SORT1: variants seen among roughly 807,000 people sequenced by gnomAD.
The protein encoded by SORT1 is sortilin.
A neutral mutation model predicts 101.7 loss-of-function variants in SORT1; 39 were observed. The ratio of observed to expected loss-of-function variants is 0.38; its 90% CI spans 0.30 to 0.50. The LOEUF is 0.50. SORT1 is among the 20% of genes least tolerant of loss of function. The pLI is 0.90. For synonymous variants in SORT1, 396 were observed against 393.7 expected (o/e 1.01, Z -0.07); for missense variants, 878 against 1,040.4 (o/e 0.84, Z 2.15).
chr1:109,317,755 T>C, intron 16 of SORT1, 98 bp downstream of exon 16: 1 of 837,088 alleles, frequency 1.2e-6, no homozygotes, highest in Non-Finnish European at 2.0e-6. Flanking sequence ...AAAATAGTGC[T>C]CTAAAGTAGG....
At chr1:109,390,334 CAGTA>C (rs562239237) in intron 1 of SORT1, among the ~76,000 whole-genome samples, 98 of 152,310 alleles carry the variant, frequency 6.4e-4, no homozygotes, top group South Asian at 4.1e-3. Flanking sequence ...GCAGGCAGCT[CAGTA>C]AGTGTCTAAA....
At chr1:109,378,488 G>A (rs1223032338) in intron 1 of SORT1, among the ~76,000 whole-genome samples, 1 of 151,414 alleles carries the variant, frequency 6.6e-6, no homozygotes, top group Non-Finnish European at 1.5e-5. Flanking sequence ...TGTAATCAAG[G>A]CAAAGTAAGA....
At chr1:109,394,025 G>A (rs1247134707) in intron 1 of SORT1, among the ~76,000 whole-genome samples, 1 of 152,110 alleles carries the variant, frequency 6.6e-6, no homozygotes, top group African/African-American at 2.4e-5. Flanking sequence ...ACTCACCCAG[G>A]ATCACACAGT....
intron 9 of SORT1, 120 bp from the exon 10 acceptor site, chr1:109,340,999 T>C: frequency 1.4e-6 from 1 of 724,384 alleles, no homozygotes; most frequent in Non-Finnish European, 2.2e-6. Flanking sequence ...TGTCTCTTCA[T>C]GATGAAGACT....
intron 7 of SORT1, among the ~76,000 whole-genome samples, chr1:109,346,169 C>A (rs1044261478): frequency 1.3e-5 from 2 of 151,636 alleles, no homozygotes; most frequent in Admixed American, 6.6e-5. Flanking sequence ...AAAATTTAGC[C>A]AGGCGTGGTG....
intron 10 of SORT1, among the ~76,000 whole-genome samples, chr1:109,340,015 G>A (rs1207715651): frequency 2.6e-5 from 4 of 151,946 alleles, no homozygotes; most frequent in African/African-American, 9.7e-5. Flanking sequence ...TGGGTGTGGT[G>A]GCACACACCT....
At chr1:109,324,216 C>T (rs1011905584) in intron 14 of SORT1, among the ~76,000 whole-genome samples, 2 of 152,050 alleles carry the variant, frequency 1.3e-5, no homozygotes, top group African/African-American at 4.8e-5. Flanking sequence ...GCAACCTCTT[C>T]CTCTCGGGTT....
At chr1:109,314,103 A>T (rs750107790) in intron 19 of SORT1, 46 bp from the exon 20 acceptor site, 1 of 1,612,708 alleles carries the variant, frequency 6.2e-7, no homozygotes, top group South Asian at 1.1e-5. Context: ...CAACACTCCT[A>T]TTTCAAAAGC....
At chr1:109,334,553 G>C (rs1348845289) in intron 11 of SORT1, among the ~76,000 whole-genome samples, 1 of 152,164 alleles carries the variant, frequency 6.6e-6, no homozygotes, top group African/African-American at 2.4e-5. Context: ...GAAGGCCAAA[G>C]GGTACATAGT....
intron 3 of SORT1, among the ~76,000 whole-genome samples, chr1:109,362,074 T>C (rs974070636): frequency 2.0e-5 from 3 of 152,194 alleles, no homozygotes; most frequent in South Asian, 2.1e-4. Flanking sequence ...ATGTGCCTCA[T>C]GGAGGAAATA....
At chr1:109,314,467 T>C in intron 18 of SORT1, 83 bp from the exon 19 acceptor site, 2 of 1,512,044 alleles carry the variant, frequency 1.3e-6, no homozygotes, top group Non-Finnish European at 1.8e-6. Flanking sequence ...CTCAGTTTTA[T>C]ACACTCAGGA....
intron 1 of SORT1, among the ~76,000 whole-genome samples, chr1:109,380,026 A>G (rs992732327): frequency 6.6e-6 from 1 of 152,224 alleles, no homozygotes; most frequent in Admixed American, 6.5e-5. Context: ...CTGTAATCCT[A>G]GCATTTTGGG....
At chr1:109,352,851 T>C (rs906848521) in intron 5 of SORT1, among the ~76,000 whole-genome samples, 26 of 152,340 alleles carry the variant, frequency 1.7e-4, no homozygotes, top group Middle Eastern at 3.4e-3. Flanking sequence ...TTAATAACCC[T>C]GAGACACTTG....
intron 1 of SORT1, among the ~76,000 whole-genome samples, chr1:109,383,488 A>G (rs569114955): frequency 6.6e-6 from 1 of 152,342 alleles, no homozygotes; most frequent in South Asian, 2.1e-4. Flanking sequence ...AAAACTACAA[A>G]AGAACGTTAA....
chr1:109,367,499 C>T lies in SORT1; in HGVS notation c.367-18G>A, dbSNP rs1386177699. 1 of 1,484,780 alleles carries T rather than the reference C, an allele frequency of 6.7e-7. No individual in the cohort carries two copies. Among genetic ancestry groups the T allele is most frequent in the South Asian group, 1.2e-5 (1 of 86,468 alleles). The allele number at this position is 1,484,780 out of a possible 1,614,324, so 92.0% of individuals were successfully genotyped here. A position where few individuals can be genotyped will look rare whatever the true frequency, so the allele number is the denominator to read the frequency against. ...AGAATGACCTGGAGAGAGAAAAAAG[C>T]ATTCCGTAAATAAAAAAGATATTCC... On this transcript the variant is annotated intron_variant, in intron 2 of 19. Coordinates refer to ENST00000256637, the MANE Select transcript of SORT1 (RefSeq NM_002959.7).
At chr1:109,386,465 C>A (rs1652573478) in intron 1 of SORT1, among the ~76,000 whole-genome samples, 1 of 152,120 alleles carries the variant, frequency 6.6e-6, no homozygotes, top group Non-Finnish European at 1.5e-5. Context: ...AGCAACAGAC[C>A]ATATGGGGAG....
rs779523385 is a variant in SORT1, at chr1:109,369,493, T to C, written c.366+37A>G. The C allele has an allele frequency of 6.8e-5, 91 of 1,337,272 alleles. 2 individuals are homozygous for C. In the South Asian group the frequency reaches 9.4e-4, roughly 14 times the overall value. The allele number at this position is 1,337,272 out of a possible 1,614,324, so 82.8% of individuals were successfully genotyped here. A position where few individuals can be genotyped will look rare whatever the true frequency, so the allele number is the denominator to read the frequency against. ...TTCCCCAAATCTGTTATCATCTTCT[T>C]GCTGGGCTGAAATAACAGACTCAAA... is the stretch of plus-strand genomic sequence containing the variant. On this transcript the variant is annotated intron_variant, in intron 2 of 19. Coordinates refer to ENST00000256637, the MANE Select transcript of SORT1 (RefSeq NM_002959.7).
chr1:109,317,565 T>C (rs998630563), intron 16 of SORT1, among the ~76,000 whole-genome samples: 1 of 152,176 alleles, frequency 6.6e-6, no homozygotes, highest in African/African-American at 2.4e-5. Context: ...TCGCCTCTCC[T>C]CCCTTCCTGG....
chr1:109,316,717 A>G, intron 17 of SORT1, 133 bp downstream of exon 17: 4 of 614,428 alleles, frequency 6.5e-6, no homozygotes, highest in Non-Finnish European at 1.2e-5. Flanking sequence ...AGCTTCCTGT[A>G]TAAGGGAAGC....
Sources: allele counts gnomAD v4.1 joint callset (sites outside exome capture counted in the v4.1 genomes callset), GRCh38; gene constraint gnomAD v4.1.1; transcripts MANE v1.5; gene names NCBI Gene and HGNC (gene_info 2026-07-23, HGNC 2026-07-21).